Variants in USPL1 observed in about 807,000 individuals in gnomAD.
The protein encoded by USPL1 is ubiquitin specific peptidase like 1, also known as SUMO-specific isopeptidase USPL1.
A neutral mutation model predicts 51.5 loss-of-function variants in USPL1; 27 were observed. The ratio of observed to expected loss-of-function variants is 0.52; its 90% CI spans 0.39 to 0.72. The LOEUF (loss-of-function observed/expected upper bound fraction) is 0.72, where lower values mean the gene tolerates loss of function less well. Among genes scored for constraint, USPL1 ranks in the 30% least tolerant of loss-of-function variants. USPL1 has a pLI of 0.00. For missense variants in USPL1, 1,226 were observed against 1,268.0 expected, an observed-to-expected ratio of 0.97 and a Z score of 0.50; for synonymous variants, 451 against 459.6, an observed-to-expected ratio of 0.98 and a Z score of 0.24.
rs1202325633 is a variant in USPL1, at chr13:30,644,490, G to A, written c.1112+1733G>A. Among the ~76,000 whole-genome samples, 6 of 151,886 alleles carry A rather than the reference G, an allele frequency of 4.0e-5. No individual in the cohort carries two copies. In the East Asian group the frequency reaches 1.2e-3, roughly 29 times the overall value. The stretch of plus-strand genomic sequence containing the variant: ...CCACAGAGTAGACACCATGAGCAAA[G>A]CTAACCCTCCTGAGTTGAAAAAATT... On this transcript the variant is annotated intron_variant, in intron 6 of 8. Coordinates refer to ENST00000255304, the MANE Select transcript of USPL1 (RefSeq NM_005800.5).
At chr13:30,653,713 A>T (rs1481422595) in intron 8 of USPL1, among the ~76,000 whole-genome samples, 1 of 152,248 alleles carries the variant, frequency 6.6e-6, no homozygotes, top group Non-Finnish European at 1.5e-5. Flanking sequence ...AACAGCTACC[A>T]TCAAGATAAA....
rs998503649 is a variant in USPL1, at chr13:30,660,211, T to A, written c.*855T>A. 1 of 152,280 alleles carries A rather than the reference T, an allele frequency of 6.6e-6. No homozygotes were observed. Among genetic ancestry groups the A allele is most frequent in the Non-Finnish European group, 1.5e-5 (1 of 68,110 alleles). The allele number at this position is 152,280 out of a possible 1,614,324, so 9.4% of individuals were successfully genotyped here. A position where few individuals can be genotyped will look rare whatever the true frequency, so the allele number is the denominator to read the frequency against. ...CTCGGGGGAGGAAGTGCATACTTAC[T>A]GGCCTGGAAAAGGCACCAGTTCCCA... On this transcript the variant is annotated 3_prime_UTR_variant, in exon 9 of 9. Transcript: ENST00000255304.
In USPL1 at chr13:30,631,456, CAATT is replaced by C; in HGVS notation, c.851_854del (p.Gln284ArgfsTer20). ...AGCAAATACACTTCTATATACCAGT[CAATT>C]GAGTGGTGTTAAAGGTTGGTACTAA... On this transcript the variant is annotated frameshift_variant, in exon 4 of 9. Transcript: ENST00000255304. LOFTEE classifies it high-confidence loss of function. 6.2e-7 allele frequency: 1 copy of C among 1,613,640 alleles called. No individual in the cohort carries two copies. Among genetic ancestry groups the C allele is most frequent in the South Asian group, 1.1e-5 (1 of 90,964 alleles).
chr13:30,620,164 G>A (rs1371605439), intron 1 of USPL1, among the ~76,000 whole-genome samples: 1 of 152,142 alleles, frequency 6.6e-6, no homozygotes, highest in African/African-American at 2.4e-5. Flanking sequence ...CCAGAATAGC[G>A]TAATTAGATT....
chr13:30,641,170 A>C (rs1198705124), intron 5 of USPL1, among the ~76,000 whole-genome samples: 1 of 152,250 alleles, frequency 6.6e-6, no homozygotes, highest in Non-Finnish European at 1.5e-5. Flanking sequence ...AATACCAATC[A>C]TAGGGACATT....
chr13:30,628,505 G>A (rs1231999060), intron 3 of USPL1, among the ~76,000 whole-genome samples: 3 of 152,068 alleles, frequency 2.0e-5, no homozygotes, highest in Non-Finnish European at 4.4e-5. Context: ...TGTCATCTAC[G>A]TTAGGTATTT....
rs1304805673 is a variant in USPL1 at position 30,631,216 on chromosome 13, G to A, written c.610G>A (p.Glu204Lys). The change falls in exon 4 of 9, where the codon GAA becomes AAA. Residue 204 changes from glutamate (E) to lysine (K), a missense_variant. Transcript: ENST00000255304. ...SGTGRPSPQNEGCTSKLEMPL... is the reference protein window; with the variant it reads ...SGTGRPSPQNKGCTSKLEMPL... ...AACTGGCAGACCTTCCCCTCAAAAT[G>A]AAGGATGTACATCTAAACTGGAAAT... 6.2e-7 allele frequency: 1 copy of A among 1,614,014 alleles called. No homozygotes were observed. Among genetic ancestry groups the A allele is most frequent in the South Asian group, 1.1e-5 (1 of 91,084 alleles).
intron 7 of USPL1, 28 bp downstream of exon 7, chr13:30,647,085 A>C (rs775589168): frequency 6.3e-7 from 1 of 1,585,556 alleles, no homozygotes; most frequent in Admixed American, 1.7e-5. Context: ...TATAATTTTT[A>C]GTACAAAATG....
intron 4 of USPL1, among the ~76,000 whole-genome samples, chr13:30,633,519 C>A (rs1335198477): frequency 6.6e-6 from 1 of 151,680 alleles, no homozygotes; most frequent in Non-Finnish European, 1.5e-5. Context: ...ATCTGTAATC[C>A]CAGCACTTTA....
At chr13:30,645,297 A>G (rs1223373734) in intron 6 of USPL1, among the ~76,000 whole-genome samples, 1 of 152,246 alleles carries the variant, frequency 6.6e-6, no homozygotes, top group Non-Finnish European at 1.5e-5. Context: ...AGGCACTGGA[A>G]ATAGTGTATC....
intron 5 of USPL1, among the ~76,000 whole-genome samples, chr13:30,640,695 A>AG (rs1443278306): frequency 6.6e-6 from 1 of 152,226 alleles, no homozygotes; most frequent in East Asian, 1.9e-4. Flanking sequence ...CTTCTCAAAA[A>AG]GAAACAAAAA....
chr13:30,659,225 A>C lies in USPL1; in HGVS notation c.3148A>C (p.Thr1050Pro). 6.2e-7 allele frequency: 1 copy of C among 1,614,184 alleles called. No individual in the cohort carries two copies. Reference protein sequence around the residue: ...DSLTNNACVRTLNLESPMKTD... With the variant: ...DSLTNNACVRPLNLESPMKTD... ...TCTGACAAATAATGCCTGCGTTAGA[A>C]CATTAAACTTGGAGAGTCCGATGAA... Residue 1050 changes from threonine (T) to proline (P), a missense_variant, in exon 9 of 9, where the codon ACA (threonine) becomes CCA (proline). By Grantham distance (38) the Thr-to-Pro change is conservative. Coordinates refer to ENST00000255304, the MANE Select transcript of USPL1 (RefSeq NM_005800.5).
rs368225404 is a variant in USPL1 at position 30,618,074 on chromosome 13, G to C, written c.-69+18G>C. The C allele has an allele frequency of 3.3e-5, 5 of 152,550 alleles. No homozygotes were observed. In the East Asian group the frequency reaches 9.6e-4, roughly 29 times the overall value. The allele number at this position is 152,550 out of a possible 1,614,324, so 9.4% of individuals were successfully genotyped here. A position where few individuals can be genotyped will look rare whatever the true frequency, so the allele number is the denominator to read the frequency against. ...CGCGGCAGGTAAGGGAGAAGAGGGA[G>C]GGGTTTCTTTCCGCTCTCGAAATTG... On this transcript the variant is annotated intron_variant, in intron 1 of 8. Transcript: ENST00000255304.
chr13:30,633,699 G>T (rs1321995392), intron 4 of USPL1, among the ~76,000 whole-genome samples: 2 of 150,928 alleles, frequency 1.3e-5, no homozygotes, highest in Non-Finnish European at 2.9e-5. Flanking sequence ...CTTGAACCCA[G>T]GAGGTGGAAG....
chr13:30,655,293 A>G (rs1387686952), intron 8 of USPL1, among the ~76,000 whole-genome samples: 1 of 151,966 alleles, frequency 6.6e-6, no homozygotes, highest in African/African-American at 2.4e-5. Context: ...CTTTTTGGGG[A>G]ATGTGTTTTA....
Position 30,659,275 on chromosome 13 carries a change from TTCC to T in USPL1, c.3204_3206del (p.Ser1069del), listed in dbSNP as rs1951222488. The T allele has an allele frequency of 5.0e-6, 8 of 1,614,158 alleles. No individual in the cohort carries two copies. Among genetic ancestry groups the T allele is most frequent in the Admixed American group, 1.7e-5 (1 of 60,026 alleles). On this transcript the variant is annotated inframe_deletion, in exon 9 of 9. Coordinates refer to ENST00000255304, the MANE Select transcript of USPL1 (RefSeq NM_005800.5). ...AGACTGATATTTTCGATGAGTTTTT[TTCC>T]TCCTCAGCATTAAATGCTTTAGCAA...
At chr13:30,629,912 G>A (rs1950777547) in intron 3 of USPL1, among the ~76,000 whole-genome samples, 1 of 151,918 alleles carries the variant, frequency 6.6e-6, no homozygotes, top group Non-Finnish European at 1.5e-5. Context: ...CATAGGGAGG[G>A]CCATCAAGAT....
In USPL1 at chr13:30,659,953, G is replaced by C. The variant is rs1566064413; in HGVS notation, c.*597G>C. On this transcript the variant is annotated 3_prime_UTR_variant, in exon 9 of 9. Coordinates refer to ENST00000255304, the MANE Select transcript of USPL1 (RefSeq NM_005800.5). ...GCCCTGGAGAGGGTGACTCCTCTCA[G>C]CTCTCAGCAGAGAAGCAGCCCTGGA... 1.3e-5 allele frequency: 2 copies of C among 148,286 alleles called. No individual in the cohort carries two copies. Among genetic ancestry groups the C allele is most frequent in the African/African-American group, 5.3e-5 (2 of 37,506 alleles). 9.2% of individuals were successfully genotyped at this position (148,286 alleles called of 1,614,324 possible). A position where few individuals can be genotyped will look rare whatever the true frequency, so the allele number is the denominator to read the frequency against.
At chr13:30,639,117 G>C (rs1300394765) in intron 5 of USPL1, among the ~76,000 whole-genome samples, 3 of 151,568 alleles carry the variant, frequency 2.0e-5, no homozygotes, top group Non-Finnish European at 4.4e-5. Context: ...TCGGGAGGCT[G>C]AGGCAGGAGA....
Sources: gnomAD v4.1 joint callset for allele counts (sites outside exome capture counted in the v4.1 genomes callset) on GRCh38, gnomAD v4.1.1 for gene constraint, MANE v1.5 for transcripts, NCBI Gene and HGNC (gene_info 2026-07-23, HGNC 2026-07-21) for gene names.